FANCD2: variants seen among roughly 807,000 people sequenced by gnomAD.
The protein encoded by FANCD2 is Fanconi anemia group D2 protein.
Under a neutral mutation model 192.3 loss-of-function variants are expected in FANCD2, and 131 were observed. The ratio of observed to expected loss-of-function variants is 0.68; its 90% CI spans 0.59 to 0.79. The LOEUF is 0.79. FANCD2 is among the 30% of genes least tolerant of loss of function. The pLI is 0.00. For synonymous variants in FANCD2, 524 were observed against 612.5 expected (o/e 0.86, Z 2.13); for missense variants, 1,508 against 1,701.6 (o/e 0.89, Z 2.00).
chr3:10,050,138 T>C (rs1575763668), intron 17 of FANCD2, among the ~76,000 whole-genome samples: 2 of 152,184 alleles, frequency 1.3e-5, no homozygotes, highest in East Asian at 3.8e-4. Context: ...TTACTAGTTT[T>C]TACATACAGT....
At chr3:10,036,199 G>A (rs2086727752) in intron 6 of FANCD2, 88 bp from the exon 7 acceptor site, 7 of 1,080,808 alleles carry the variant, frequency 6.5e-6, no homozygotes, top group South Asian at 5.1e-5. Flanking sequence ...AGAGGTTCTC[G>A]TGCCTCAGCC....
chr3:10,028,591 A>G (rs1217332211), intron 1 of FANCD2, 34 bp from the exon 2 acceptor site: 2 of 1,369,324 alleles, frequency 1.5e-6, no homozygotes, highest in Non-Finnish European at 2.1e-6. Context: ...TTTATCTTCT[A>G]GAGGGTAACT....
intron 18 of FANCD2, among the ~76,000 whole-genome samples, chr3:10,057,371 C>CTTTTT (rs1186883895): frequency 7.0e-6 from 1 of 141,864 alleles, no homozygotes; most frequent in African/African-American, 2.6e-5. Flanking sequence ...TTCTTTCTTT[C>CTTTTT]TTTTTTTTTT....
chr3:10,048,861 A>G (rs1330920034), intron 16 of FANCD2, among the ~76,000 whole-genome samples: 19 of 27,476 alleles, frequency 6.9e-4, no homozygotes, highest in African/African-American at 2.6e-3. Context: ...TGTTATGACT[A>G]TTATGGAGTG....
chr3:10,029,759 A>G (rs2086544959), intron 2 of FANCD2, among the ~76,000 whole-genome samples: 2 of 152,096 alleles, frequency 1.3e-5, no homozygotes, highest in Admixed American at 1.3e-4. Context: ...TTGAGTATCC[A>G]AAGTCCATTA....
At chr3:10,070,041 C>T (rs1273194455) in intron 26 of FANCD2, among the ~76,000 whole-genome samples, 184 of 149,862 alleles carry the variant, frequency 1.2e-3, no homozygotes, top group Non-Finnish European at 2.3e-3. Flanking sequence ...GGCCACCCAT[C>T]GTCTGAGATG....
rs1304751205 is a variant in FANCD2, at chr3:10,036,341, T to C, written c.491+2T>C. ...GTTGCCAGAATATTTTTTTGAAAAGTAAGTGGCGTTATTATGGAATGTTCA... is the reference window on the plus strand; with the variant it reads ...GTTGCCAGAATATTTTTTTGAAAAGCAAGTGGCGTTATTATGGAATGTTCA... On this transcript the variant is annotated splice_donor_variant, in intron 7 of 43. Transcript: ENST00000675286. LOFTEE classifies it high-confidence loss of function. The C allele has an allele frequency of 6.2e-7, 1 of 1,608,976 alleles. No individual in the cohort carries two copies. The highest frequency in any genetic ancestry group is 2.2e-5 in the East Asian group (1 of 44,844).
At chr3:10,066,835 C>T (rs2087733622) in intron 25 of FANCD2, among the ~76,000 whole-genome samples, 1 of 152,170 alleles carries the variant, frequency 6.6e-6, no homozygotes, top group Admixed American at 6.5e-5. Context: ...GGCAATTCTC[C>T]TTCTTCAGCC....
At chr3:10,081,670 TTTGACA>T in intron 32 of FANCD2, 1 of 599,402 alleles carries the variant, frequency 1.7e-6, no homozygotes, top group Admixed American at 2.7e-5. Context: ...TGTTAACCCA[TTTGACA>T]GATTAGGTGA....
intron 29 of FANCD2, 152 bp from the exon 30 acceptor site, chr3:10,077,929 G>A: frequency 1.4e-6 from 1 of 716,836 alleles, no homozygotes; most frequent in Non-Finnish European, 2.6e-6. Context: ...CGCTACTCGG[G>A]AGGCTGAGAT....
At chr3:10,027,359 G>T (rs2086477869) in intron 1 of FANCD2, among the ~76,000 whole-genome samples, 1 of 152,198 alleles carries the variant, frequency 6.6e-6, no homozygotes, top group Non-Finnish European at 1.5e-5. Flanking sequence ...TTAGATCTGA[G>T]TAGGAATTTC....
At position 10,081,217 on chromosome 3, in the gene FANCD2, A is replaced by T. The variant is rs1261560927; in HGVS notation, c.3094A>T (p.Asn1032Tyr). The change falls in exon 31 of 44, where the codon AAC becomes TAC. Residue 1032 changes from asparagine (N) to tyrosine (Y), a missense_variant. Transcript: ENST00000675286. ...GTGTAACCACCTGGAGAACATTCAC[A>T]ACTATTTTCAGGTCAGAAGCCTAGA... ...PMCNHLENIHNYFQCLAAENH... is the reference protein window; with the variant it reads ...PMCNHLENIHYYFQCLAAENH... 6.2e-7 allele frequency: 1 copy of T among 1,614,168 alleles called. No individual in the cohort carries two copies. Among genetic ancestry groups the T allele is most frequent in the East Asian group, 2.2e-5 (1 of 44,882 alleles).
intron 38 of FANCD2, among the ~76,000 whole-genome samples, chr3:10,092,583 G>T (rs1309493477): frequency 4.0e-5 from 6 of 149,954 alleles, no homozygotes; most frequent in Admixed American, 3.3e-4. Flanking sequence ...GAATGCCCTC[G>T]TTCTCCTTTA....
rs777340649 is a variant in FANCD2, at chr3:10,052,405, G to C, written c.1564G>C (p.Asp522His). 1 of 1,611,214 alleles carries C rather than the reference G, an allele frequency of 6.2e-7. No individual in the cohort carries two copies. The highest frequency in any genetic ancestry group is 2.2e-5 in the East Asian group (1 of 44,872). Reference protein sequence around the residue: ...VFVKGILDYLDNISPQQIRKL... With the variant: ...VFVKGILDYLHNISPQQIRKL... ...TCCACAGGGCATTTTAGATTATCTGGATAACATATCCCCTCAGCAAATACG... is the reference window on the plus strand; with the variant it reads ...TCCACAGGGCATTTTAGATTATCTGCATAACATATCCCCTCAGCAAATACG... The change falls in exon 18 of 44, where the codon GAT (aspartate) becomes CAT (histidine). Residue 522 changes from aspartate (D) to histidine (H), a missense_variant. By Grantham distance (81) the Asp-to-His change is moderately conservative (BLOSUM62 -1). Around this residue, in one of 5 missense-constraint regions of FANCD2, gnomAD observed 110 missense variants for 114.4 expected, o/e 0.96. Transcript: ENST00000675286.
intron 14 of FANCD2, among the ~76,000 whole-genome samples, chr3:10,045,069 C>G (rs181254703): frequency 3.3e-4 from 42 of 126,692 alleles, no homozygotes; most frequent in Non-Finnish European, 6.1e-4. Context: ...TCTTGTTTGT[C>G]CTGCTTGCCT....
intron 18 of FANCD2, among the ~76,000 whole-genome samples, chr3:10,057,514 A>G (rs760766386): frequency 4.6e-5 from 7 of 151,944 alleles, no homozygotes; most frequent in Non-Finnish European, 7.4e-5. Context: ...AGGGGCATGC[A>G]CCACAACGCC....
chr3:10,036,708 G>A (rs1488478857), intron 7 of FANCD2, among the ~76,000 whole-genome samples: 1 of 150,076 alleles, frequency 6.7e-6, no homozygotes. Context: ...TTAAGTATCT[G>A]TTGCTTATGC....
intron 2 of FANCD2, among the ~76,000 whole-genome samples, chr3:10,031,004 A>G (rs570691176): frequency 9.2e-5 from 14 of 152,288 alleles, no homozygotes; most frequent in Admixed American, 8.5e-4. Flanking sequence ...AAGAGGAATA[A>G]TATAGGAAAT....
chr3:10,096,610 C>T, intron 42 of FANCD2, 138 bp downstream of exon 42: 2 of 826,520 alleles, frequency 2.4e-6, no homozygotes, highest in Non-Finnish European at 4.1e-6. Flanking sequence ...CTGTTTAACT[C>T]TTAAAGTTAT....
Sources: gnomAD v4.1 joint callset for allele counts (sites outside exome capture counted in the v4.1 genomes callset) on GRCh38, gnomAD v4.1.1 for gene constraint, gnomAD v4.1.1 regional missense constraint, MANE v1.5 for transcripts, NCBI Gene and HGNC (gene_info 2026-07-23, HGNC 2026-07-21) for gene names.